The following PPIL6 variants were observed in gnomAD, a reference collection of about 807,000 sequenced individuals.
PPIL6 encodes the protein peptidylprolyl isomerase like 6.
A neutral mutation model predicts 36.8 loss-of-function variants in PPIL6; 39 were observed. The ratio of observed to expected loss-of-function variants is 1.06; its 90% CI spans 0.82 to 1.38. The LOEUF is 1.38. PPIL6 is among the 40% of genes most tolerant of loss of function. The probability of loss-of-function intolerance (pLI) is 0.00; values close to 1 mark genes in which losing one functional copy is unlikely to be tolerated. For missense variants in PPIL6, 368 were observed against 379.1 expected (o/e 0.97, Z 0.24); for synonymous variants, 123 against 134.1 (o/e 0.92, Z 0.57).
At chr6:109,393,869 T>C (rs1226266860) in intron 7 of PPIL6, among the ~76,000 whole-genome samples, 1 of 152,194 alleles carries the variant, frequency 6.6e-6, no homozygotes, top group Non-Finnish European at 1.5e-5. Flanking sequence ...CAGGCCACCT[T>C]GCTTATATTA....
chr6:109,411,169 T>A (rs1451802611), intron 6 of PPIL6, among the ~76,000 whole-genome samples: 1 of 152,160 alleles, frequency 6.6e-6, no homozygotes, highest in Non-Finnish European at 1.5e-5. Flanking sequence ...TATAACCGCA[T>A]AACACCCAAG....
At chr6:109,394,589 C>T (rs1028987223) in intron 7 of PPIL6, among the ~76,000 whole-genome samples, 2 of 152,046 alleles carry the variant, frequency 1.3e-5, no homozygotes, top group Non-Finnish European at 2.9e-5. Flanking sequence ...ATCTCATGAG[C>T]CTTTATAGGA....
intron 6 of PPIL6, among the ~76,000 whole-genome samples, chr6:109,414,551 CT>C (rs1773164163): frequency 7.9e-6 from 1 of 127,084 alleles, no homozygotes; most frequent in African/African-American, 3.0e-5. Context: ...GTGGTGCAAT[CT>C]TGGCTCACTG....
At chr6:109,420,329 T>C (rs1175513427) in intron 5 of PPIL6, among the ~76,000 whole-genome samples, 2 of 51,926 alleles carry the variant, frequency 3.9e-5, no homozygotes, top group African/African-American at 8.5e-5. Context: ...TGAGACTCCA[T>C]CTCAAAAAAA....
chr6:109,436,332 T>G, intron 1 of PPIL6, 133 bp from the exon 2 acceptor site: 1 of 602,134 alleles, frequency 1.7e-6, no homozygotes, highest in Non-Finnish European at 2.9e-6. Flanking sequence ...GACTGAGATA[T>G]TCCTTGCTCG....
upstream of PPIL6, chr6:109,441,166 C>T (rs758452934): frequency 1.2e-5 from 19 of 1,614,058 alleles, no homozygotes; most frequent in Non-Finnish European, 1.5e-5. Flanking sequence ...TCAACCTCAA[C>T]TGCTGGTGAG....
intron 5 of PPIL6, among the ~76,000 whole-genome samples, chr6:109,425,459 G>A (rs1045638113): frequency 4.6e-5 from 7 of 152,116 alleles, no homozygotes; most frequent in African/African-American, 1.7e-4. Flanking sequence ...AAAGAATACA[G>A]CATCTGAGGC....
chr6:109,419,254 G>C lies in PPIL6; in HGVS notation c.632-11C>G. 6.7e-7 allele frequency: 1 copy of C among 1,491,470 alleles called. No homozygotes were observed. The highest frequency in any genetic ancestry group is 1.1e-5 in the South Asian group (1 of 87,060). The allele number at this position is 1,491,470 out of a possible 1,614,324, so 92.4% of individuals were successfully genotyped here. A position where few individuals can be genotyped will look rare whatever the true frequency, so the allele number is the denominator to read the frequency against. The stretch of plus-strand genomic sequence containing the variant: ...TTCCATACACTATATCTGAGAAATA[G>C]CAACAAATAAACATTAGAATTTTGA... On this transcript the variant is annotated splice_polypyrimidine_tract_variant and intron_variant, in intron 5 of 7. Transcript: ENST00000521072.
Position 109,431,254 on chromosome 6 carries a change from C to T in PPIL6, c.323G>A (p.Trp108Ter). 1 of 1,612,060 alleles carries T rather than the reference C, an allele frequency of 6.2e-7. No individual in the cohort carries two copies. The highest frequency in any genetic ancestry group is 8.5e-7 in the Non-Finnish European group (1 of 1,178,670). Residue 108 changes from tryptophan to a stop codon, truncating the protein, a stop_gained, in exon 3 of 8, where the codon TGG becomes TAG. Coordinates refer to ENST00000521072, the MANE Select transcript of PPIL6 (RefSeq NM_173672.5). LOFTEE classifies it high-confidence loss of function. The part of the protein sequence containing the change: ...FLGDALDLQK[W>*]AHEVWDIVDI... ...AACTATATCCCACACCTCGTGGGCCCATTTCTGCAGATCCAATGCATCACC... is the reference window on the plus strand; with the variant it reads ...AACTATATCCCACACCTCGTGGGCCTATTTCTGCAGATCCAATGCATCACC...
chr6:109,434,052 C>T (rs1443822764), intron 2 of PPIL6, among the ~76,000 whole-genome samples: 1 of 151,974 alleles, frequency 6.6e-6, no homozygotes, highest in East Asian at 1.9e-4. Context: ...AGACAGTTTT[C>T]CTGTGGGTGG....
chr6:109,440,149 G>T, intron 1 of PPIL6: 3 of 415,108 alleles, frequency 7.2e-6, no homozygotes, highest in Non-Finnish European at 4.5e-6. Context: ...AAAATCTGCG[G>T]GTGTGTGTGT....
chr6:109,440,254 GC>G (rs939814913), intron 1 of PPIL6: 6 of 690,686 alleles, frequency 8.7e-6, no homozygotes, highest in Admixed American at 6.3e-5. Flanking sequence ...TGGAACGCCC[GC>G]CCCCGGACCC....
intron 6 of PPIL6, among the ~76,000 whole-genome samples, chr6:109,410,336 C>T (rs922945825): frequency 1.3e-5 from 2 of 152,186 alleles, no homozygotes; most frequent in Non-Finnish European, 2.9e-5. Flanking sequence ...ATCCTGTTTG[C>T]TCTCCTAATC....
chr6:109,433,387 A>C (rs1774269537), intron 2 of PPIL6, among the ~76,000 whole-genome samples: 1 of 152,186 alleles, frequency 6.6e-6, no homozygotes, highest in Non-Finnish European at 1.5e-5. Context: ...CGGGAGAAAA[A>C]AATGTCACTG....
chr6:109,425,701 G>T (rs1773777503), intron 5 of PPIL6, among the ~76,000 whole-genome samples: 1 of 145,892 alleles, frequency 6.9e-6, no homozygotes, highest in Admixed American at 7.1e-5. Context: ...AGTGAGCCGA[G>T]ATCGTGCCAC....
intron 6 of PPIL6, among the ~76,000 whole-genome samples, chr6:109,410,738 T>C (rs1005644464): frequency 6.6e-6 from 1 of 152,152 alleles, no homozygotes; most frequent in Non-Finnish European, 1.5e-5. Context: ...AGTTGCCACA[T>C]TCCCAAGGCC....
chr6:109,429,612 C>T (rs893870492), intron 3 of PPIL6, among the ~76,000 whole-genome samples: 1 of 152,110 alleles, frequency 6.6e-6, no homozygotes, highest in Admixed American at 6.5e-5. Flanking sequence ...GTGCTCCTGC[C>T]TGGGCTTAGG....
chr6:109,409,463 C>T (rs925560731), intron 6 of PPIL6, among the ~76,000 whole-genome samples: 2 of 152,024 alleles, frequency 1.3e-5, no homozygotes, highest in African/African-American at 4.8e-5. Flanking sequence ...ACTCAGGAGG[C>T]TGAGGCAGGA....
At chr6:109,402,409 G>T (rs895679605) in intron 6 of PPIL6, among the ~76,000 whole-genome samples, 3 of 152,124 alleles carry the variant, frequency 2.0e-5, no homozygotes, top group African/African-American at 7.2e-5. Context: ...GGTGGTGCAT[G>T]CCTGTAATCC....
Sources: gnomAD v4.1 joint callset for allele counts (sites outside exome capture counted in the v4.1 genomes callset) on GRCh38, gnomAD v4.1.1 for gene constraint, MANE v1.5 for transcripts, NCBI Gene and HGNC (gene_info 2026-07-23, HGNC 2026-07-21) for gene names.